The following EYS variants were observed in gnomAD, a reference collection of about 807,000 sequenced individuals.
The protein encoded by EYS is EGF-like photoreceptor maintenance factor.
Under a neutral mutation model 282.1 loss-of-function variants are expected in EYS, and 250 were observed. The ratio of observed to expected loss-of-function variants is 0.89; its 90% CI spans 0.80 to 0.98. EYS has a LOEUF of 0.98. Ranked by LOEUF, EYS falls within the 50% of genes least tolerant of loss-of-function variation. EYS has a pLI of 0.00. For missense variants in EYS, 4,016 were observed against 3,709.0 expected (o/e 1.08, Z -2.15); for synonymous variants, 1,355 against 1,282.9 (o/e 1.06, Z -1.20).
At chr6:64,977,430 T>G (rs143370820) in intron 14 of EYS, among the ~76,000 whole-genome samples, 1,814 of 152,018 alleles carry the variant, frequency 0.012, 38 homozygotes, top group African/African-American at 0.041. Flanking sequence ...CTGGCTGTTC[T>G]CTAGCTCTCT....
At chr6:64,989,179 G>C (rs566493111) in intron 14 of EYS, among the ~76,000 whole-genome samples, 1 of 150,670 alleles carries the variant, frequency 6.6e-6, no homozygotes, top group Admixed American at 6.6e-5. Flanking sequence ...GCTTAGAAAC[G>C]TTAAATGACT....
intron 5 of EYS, among the ~76,000 whole-genome samples, chr6:65,443,171 T>C (rs192363267): frequency 8.6e-5 from 13 of 151,768 alleles, no homozygotes; most frequent in African/African-American, 2.4e-4. Context: ...TATGAGCACA[T>C]ATGTGCACAT....
At chr6:64,680,298 C>G (rs960881975) in intron 22 of EYS, among the ~76,000 whole-genome samples, 1 of 152,102 alleles carries the variant, frequency 6.6e-6, no homozygotes, top group Non-Finnish European at 1.5e-5. Context: ...CCCAGTGAAA[C>G]GACCATAACT....
chr6:64,281,422 C>A (rs1032254620), intron 30 of EYS, among the ~76,000 whole-genome samples: 1 of 152,022 alleles, frequency 6.6e-6, no homozygotes, highest in Admixed American at 6.6e-5. Flanking sequence ...AAATGAATTG[C>A]ATCATTTAAA....
At chr6:64,319,592 T>C (rs1770125748) in intron 29 of EYS, among the ~76,000 whole-genome samples, 1 of 151,882 alleles carries the variant, frequency 6.6e-6, no homozygotes, top group African/African-American at 2.4e-5. Flanking sequence ...ATATATTAAA[T>C]TAGGCTAAAC....
chr6:64,333,869 T>G (rs1770736630), intron 29 of EYS, among the ~76,000 whole-genome samples: 1 of 152,208 alleles, frequency 6.6e-6, no homozygotes, highest in Non-Finnish European at 1.5e-5. Flanking sequence ...TTACTTCATG[T>G]TATGTATGTG....
intron 32 of EYS, among the ~76,000 whole-genome samples, chr6:64,070,052 T>C (rs1771517532): frequency 6.6e-6 from 1 of 152,074 alleles, no homozygotes; most frequent in South Asian, 2.1e-4. Context: ...TTGGCCAAAG[T>C]ATAGGAAGTT....
At chr6:64,969,044 C>G (rs564184690) in intron 14 of EYS, among the ~76,000 whole-genome samples, 1 of 152,070 alleles carries the variant, frequency 6.6e-6, no homozygotes, top group Non-Finnish European at 1.5e-5. Flanking sequence ...CCTTCACTCT[C>G]TCACAGACAT....
intron 26 of EYS, among the ~76,000 whole-genome samples, chr6:64,585,630 T>A (rs1766211775): frequency 6.6e-6 from 1 of 152,118 alleles, no homozygotes; most frequent in African/African-American, 2.4e-5. Flanking sequence ...GGACTCACAA[T>A]CACCCCTTGG....
At chr6:63,805,172 C>A (rs1297763453) in intron 37 of EYS, among the ~76,000 whole-genome samples, 1 of 152,146 alleles carries the variant, frequency 6.6e-6, no homozygotes, top group African/African-American at 2.4e-5. Flanking sequence ...GTTGATCTCA[C>A]AGATGAAAAC....
rs1234068734 is a variant in EYS at position 64,901,983 on chromosome 6, T to C, written c.2846+130A>G. On this transcript the variant is annotated intron_variant, in intron 18 of 42. Coordinates refer to ENST00000503581, the MANE Select transcript of EYS (RefSeq NM_001142800.2). The stretch of plus-strand genomic sequence containing the variant: ...AGTGATTGGATGGGACAAATGAGGA[T>C]GTGCTGGTACAAGCACAAATGTATC... 7 of 617,042 alleles carry C rather than the reference T, an allele frequency of 1.1e-5. No individual in the cohort carries two copies. In the Admixed American group the frequency reaches 2.5e-4, roughly 22 times the overall value. The allele number at this position is 617,042 out of a possible 1,614,324, so 38.2% of individuals were successfully genotyped here.
chr6:64,631,468 T>G (rs1018194745), intron 22 of EYS: 1 of 152,194 alleles, frequency 6.6e-6, no homozygotes, highest in African/African-American at 2.4e-5. Flanking sequence ...AAATCCTCCT[T>G]TAGGCCCTCA....
intron 35 of EYS, among the ~76,000 whole-genome samples, chr6:63,945,396 G>A (rs915228754): frequency 3.9e-5 from 6 of 152,122 alleles, no homozygotes; most frequent in Admixed American, 3.3e-4. Flanking sequence ...AACACGTGGA[G>A]ATTATGGGAA....
chr6:65,574,319 C>T (rs137936062), intron 2 of EYS, among the ~76,000 whole-genome samples: 5 of 152,084 alleles, frequency 3.3e-5, no homozygotes, highest in African/African-American at 9.6e-5. Flanking sequence ...CACAAAGACA[C>T]GATATAATCA....
rs143805787 is a variant in EYS, at chr6:65,540,281, G to A, written c.-332-44288C>T. Among the ~76,000 whole-genome samples, 8 of 152,186 alleles carry A rather than the reference G, an allele frequency of 5.3e-5. No homozygotes were observed. In the East Asian group the frequency reaches 1.2e-3, roughly 22 times the overall value. ...CCTGCCCCACTATCTAGTTTTAGTG[G>A]CATAAATACTTTGTGGGCAACAAAG... On this transcript the variant is annotated intron_variant, in intron 2 of 42. Transcript: ENST00000503581.
At chr6:64,383,399 T>A (rs780162791) in intron 29 of EYS, among the ~76,000 whole-genome samples, 5 of 152,166 alleles carry the variant, frequency 3.3e-5, no homozygotes, top group Non-Finnish European at 7.4e-5. Context: ...GGGAAATAAT[T>A]CTTATTGGAT....
chr6:64,606,269 G>C (rs1766934695), intron 24 of EYS, among the ~76,000 whole-genome samples: 1 of 151,932 alleles, frequency 6.6e-6, no homozygotes, highest in South Asian at 2.1e-4. Context: ...TAACTTGCAA[G>C]CTTTCCTACC....
intron 22 of EYS, among the ~76,000 whole-genome samples, chr6:64,668,449 C>T (rs1254008921): frequency 6.6e-6 from 1 of 151,404 alleles, no homozygotes; most frequent in Non-Finnish European, 1.5e-5. Context: ...TTGCTTTCAC[C>T]TATTTTAGGT....
chr6:64,052,332 G>C (rs555609864), intron 33 of EYS, among the ~76,000 whole-genome samples: 30 of 152,130 alleles, frequency 2.0e-4, no homozygotes, highest in South Asian at 1.2e-3. Context: ...TAAAGCAACT[G>C]TTTGCTCAAA....
Sources: gnomAD v4.1 joint callset for allele counts (sites outside exome capture counted in the v4.1 genomes callset) on GRCh38, gnomAD v4.1.1 for gene constraint, MANE v1.5 for transcripts, NCBI Gene and HGNC (gene_info 2026-07-23, HGNC 2026-07-21) for gene names.